Variants in STAG1 observed in about 807,000 individuals in gnomAD.
The protein encoded by STAG1 is cohesin subunit SA-1.
A neutral mutation model predicts 170.9 loss-of-function variants in STAG1; 26 were observed. That is an observed-to-expected ratio of 0.15 (90% confidence interval 0.11 to 0.21). STAG1 has a LOEUF of 0.21. Among genes scored for constraint, STAG1 ranks in the 10% least tolerant of loss-of-function variants. The pLI is 1.00. For missense variants in STAG1, 964 were observed against 1,509.5 expected (o/e 0.64, Z 5.99); for synonymous variants, 514 against 497.7 (o/e 1.03, Z -0.44).
At chr3:136,592,732 T>C (rs1487823205) in intron 4 of STAG1, among the ~76,000 whole-genome samples, 1 of 152,160 alleles carries the variant, frequency 6.6e-6, no homozygotes, top group Non-Finnish European at 1.5e-5. Context: ...CAATTTCTTA[T>C]CCACATAGAG....
intron 10 of STAG1, among the ~76,000 whole-genome samples, chr3:136,477,081 T>C (rs2089771550): frequency 6.6e-6 from 1 of 152,174 alleles, no homozygotes; most frequent in Admixed American, 6.6e-5. Flanking sequence ...AAGACAATAT[T>C]GTAACTAAAC....
At chr3:136,438,750 C>CAT (rs1173506762) in intron 15 of STAG1, among the ~76,000 whole-genome samples, 1 of 152,000 alleles carries the variant, frequency 6.6e-6, no homozygotes, top group Non-Finnish European at 1.5e-5. Context: ...CAGCACTTAG[C>CAT]ATAATATTTG....
intron 1 of STAG1, among the ~76,000 whole-genome samples, chr3:136,719,581 A>G (rs1396822395): frequency 4.1e-5 from 6 of 144,762 alleles, no homozygotes; most frequent in African/African-American, 1.3e-4. Context: ...CTGGGATGAT[A>G]AGTGGGTAGA....
In STAG1 at chr3:136,521,203, A is replaced by G. The variant is rs112837639; in HGVS notation, c.676+10T>C. 5.2e-4 allele frequency: 837 copies of G among 1,607,782 alleles called. 1 individual carries two copies. The highest frequency in any genetic ancestry group is 2.9e-3 in the African/African-American group (214 of 74,916). On this transcript the variant is annotated intron_variant, in intron 7 of 33. Coordinates refer to ENST00000383202, the MANE Select transcript of STAG1 (RefSeq NM_005862.3). ...CTAAATGAAAAGGAAATAAAATGTT[A>G]ATTACTTACCAGCCAGGGTACTTGT...
In STAG1 at chr3:136,427,342, T is replaced by C. The variant is rs1576455356; in HGVS notation, c.1651-4298A>G. Reference sequence around the variant, plus strand: ...CTGTTGCTATTGCAGTGAGCTCAAGTATTGCCAAGTATTCACTAAAAAAGC... The same window carrying C: ...CTGTTGCTATTGCAGTGAGCTCAAGCATTGCCAAGTATTCACTAAAAAAGC... On this transcript the variant is annotated intron_variant, in intron 16 of 33. Coordinates refer to ENST00000383202, the MANE Select transcript of STAG1 (RefSeq NM_005862.3). Among the ~76,000 whole-genome samples, 4 of 152,182 alleles carry C rather than the reference T, an allele frequency of 2.6e-5. No homozygotes were observed. In the South Asian group the frequency reaches 8.3e-4, roughly 31 times the overall value.
chr3:136,709,018 G>A (rs532784763), intron 1 of STAG1, among the ~76,000 whole-genome samples: 172 of 144,976 alleles, frequency 1.2e-3, no homozygotes, highest in African/African-American at 3.8e-3. Flanking sequence ...AGCCAGGTGC[G>A]GTGGTTCACA....
At chr3:136,478,191 T>C (rs1387955831) in intron 9 of STAG1, among the ~76,000 whole-genome samples, 1 of 152,220 alleles carries the variant, frequency 6.6e-6, no homozygotes, top group East Asian at 1.9e-4. Flanking sequence ...ATATATTTTT[T>C]AGGCTGAGAC....
At chr3:136,704,076 A>C (rs1362381100) in intron 1 of STAG1, among the ~76,000 whole-genome samples, 1 of 144,044 alleles carries the variant, frequency 6.9e-6, no homozygotes, top group Non-Finnish European at 1.5e-5. Context: ...TTTGAGATGG[A>C]GTCTCACTCT....
At chr3:136,522,646 T>G (rs1328701868) in intron 6 of STAG1, among the ~76,000 whole-genome samples, 2 of 152,182 alleles carry the variant, frequency 1.3e-5, no homozygotes, top group East Asian at 3.8e-4. Context: ...TGTATACATG[T>G]GTCATGTTGG....
At chr3:136,729,223 C>T (rs183102186) in intron 1 of STAG1, among the ~76,000 whole-genome samples, 3 of 152,080 alleles carry the variant, frequency 2.0e-5, no homozygotes, top group African/African-American at 4.8e-5. Flanking sequence ...CCAGGCTGGT[C>T]TCAAACTCCT....
chr3:136,444,803 AC>A (rs1419721599), intron 14 of STAG1, among the ~76,000 whole-genome samples: 3 of 152,176 alleles, frequency 2.0e-5, no homozygotes, highest in Non-Finnish European at 4.4e-5. Flanking sequence ...CACATTCAGC[AC>A]TTGAGTTGGA....
chr3:136,468,255 A>G (rs948620524), intron 12 of STAG1, among the ~76,000 whole-genome samples: 8 of 152,094 alleles, frequency 5.3e-5, no homozygotes, highest in Non-Finnish European at 1.0e-4. Flanking sequence ...CTGATAGACC[A>G]CTAGCAAGAC....
At chr3:136,412,933 G>C (rs988918198) in intron 21 of STAG1, among the ~76,000 whole-genome samples, 1 of 150,040 alleles carries the variant, frequency 6.7e-6, no homozygotes, top group African/African-American at 2.5e-5. Flanking sequence ...GTAAATCTCA[G>C]CTCACTGCAA....
intron 7 of STAG1, chr3:136,518,049 T>A: frequency 4.7e-6 from 1 of 211,764 alleles, no homozygotes; most frequent in Non-Finnish European, 9.2e-6. Context: ...TATATAATGA[T>A]AAAAAAAACT....
intron 1 of STAG1, chr3:136,736,642 C>A: frequency 6.2e-7 from 1 of 1,603,944 alleles, no homozygotes; most frequent in Middle Eastern, 2.3e-4. Context: ...CACTCTCTTT[C>A]CCGTTTGGCT....
chr3:136,751,706 T>C (rs1935252277), intron 1 of STAG1, among the ~76,000 whole-genome samples: 1 of 150,874 alleles, frequency 6.6e-6, no homozygotes, highest in Non-Finnish European at 1.5e-5. Context: ...CCGCCGCCGC[T>C]AAAACACCGC....
At chr3:136,456,496 C>T (rs2089115841) in intron 13 of STAG1, among the ~76,000 whole-genome samples, 1 of 152,026 alleles carries the variant, frequency 6.6e-6, no homozygotes, top group Admixed American at 6.6e-5. Context: ...TTTAAAAAGC[C>T]TATGAGAATT....
intron 5 of STAG1, among the ~76,000 whole-genome samples, chr3:136,561,087 T>C (rs1936819882): frequency 1.3e-5 from 2 of 152,222 alleles, no homozygotes; most frequent in Non-Finnish European, 2.9e-5. Flanking sequence ...TGGATATTAA[T>C]GTGCAAGACA....
intron 9 of STAG1, among the ~76,000 whole-genome samples, chr3:136,491,771 T>C (rs2090129337): frequency 6.6e-6 from 1 of 152,160 alleles, no homozygotes; most frequent in Non-Finnish European, 1.5e-5. Context: ...GGCAGGAAGA[T>C]CACCTGAGGT....
Sources: allele counts gnomAD v4.1 joint callset (sites outside exome capture counted in the v4.1 genomes callset), GRCh38; gene constraint gnomAD v4.1.1; transcripts MANE v1.5; gene names NCBI Gene and HGNC (gene_info 2026-07-23, HGNC 2026-07-21).